The following TIAM1 variants were observed in gnomAD, a reference collection of about 807,000 sequenced individuals.
The protein encoded by TIAM1 is rho guanine nucleotide exchange factor TIAM1.
TIAM1 carries 65 observed loss-of-function variants against 163.5 expected under a neutral mutation model. The observed-to-expected ratio is 0.40, with a 90% confidence interval of 0.33 to 0.49. The LOEUF (loss-of-function observed/expected upper bound fraction) is 0.49. Among genes scored for constraint, TIAM1 ranks in the 20% least tolerant of loss-of-function variants. The pLI, the probability that TIAM1 is intolerant of heterozygous loss-of-function variation, is 0.77. For synonymous variants in TIAM1, 833 were observed against 810.1 expected, an observed-to-expected ratio of 1.03 and a Z score of -0.48; for missense variants, 1,789 against 2,044.7, an observed-to-expected ratio of 0.87 and a Z score of 2.41.
At chr21:31,285,960 A>G (rs576223748) in intron 2 of TIAM1, among the ~76,000 whole-genome samples, 1 of 152,208 alleles carries the variant, frequency 6.6e-6, no homozygotes, top group Non-Finnish European at 1.5e-5. Flanking sequence ...TTGTAAGTGG[A>G]GAGGAAGAAA....
chr21:31,265,921 A>G lies in TIAM1; in HGVS notation c.963+89T>C. The G allele has an allele frequency of 2.0e-6, 3 of 1,518,042 alleles. No homozygotes were observed. The South Asian group carries it at 4.0e-5, about 20-fold the overall frequency. The allele number at this position is 1,518,042 out of a possible 1,614,324, so 94.0% of individuals were successfully genotyped here. On this transcript the variant is annotated intron_variant, in intron 4 of 27. Transcript: ENST00000541036. ...AGGCAAACAGGGTAAAACCCGATTAAAAGATGGAAATCTTCTAAGAGCAAA... is the reference window on the plus strand; with the variant it reads ...AGGCAAACAGGGTAAAACCCGATTAGAAGATGGAAATCTTCTAAGAGCAAA...
At chr21:31,127,175 G>C (rs1477359043) in intron 25 of TIAM1, 23 bp from the exon 26 acceptor site, 2 of 1,605,318 alleles carry the variant, frequency 1.2e-6, no homozygotes, top group African/African-American at 2.7e-5. Context: ...AAACAACAAT[G>C]AATCAGGGTA....
At chr21:31,546,190 A>T (rs1052232816) in intron 1 of TIAM1, among the ~76,000 whole-genome samples, 6 of 60,078 alleles carry the variant, frequency 1.0e-4, no homozygotes, top group African/African-American at 4.7e-4. Flanking sequence ...TGTAATTTAA[A>T]AAAAAAAAAA....
At chr21:31,437,502 C>CAAAAAAAAAAAAAAAAAAAAAAAAAAAAA (rs778245444) in intron 2 of TIAM1, among the ~76,000 whole-genome samples, 1 of 106,516 alleles carries the variant, frequency 9.4e-6, no homozygotes. Flanking sequence ...GACCCTGTCT[C>CAAAAAAAAAAAAAAAAAAAAAAAAAAAAA]AAAAAAAAAA....
intron 11 of TIAM1, among the ~76,000 whole-genome samples, chr21:31,208,346 C>T (rs1347478465): frequency 2.6e-5 from 4 of 152,142 alleles, no homozygotes; most frequent in Admixed American, 6.5e-5. Context: ...TTCCAGAGTT[C>T]GGCTTATACA....
rs549842934 is a variant in TIAM1 at position 31,510,356 on chromosome 21, G to A, written c.-421-46321C>T. On this transcript the variant is annotated intron_variant, in intron 1 of 28. Coordinates refer to the TIAM1 transcript ENST00000286827. ...AATTTCCTCTACTCATAAGGACAAC[G>A]GTCAGATGGATTAGAGCCCACCCTA... 1.3e-4 allele frequency among the ~76,000 whole-genome samples: 20 copies of A among 152,222 alleles called. No individual in the cohort carries two copies. In the South Asian group the frequency reaches 2.9e-3, roughly 22 times the overall value.
intron 6 of TIAM1, among the ~76,000 whole-genome samples, chr21:31,244,685 A>T (rs944098187): frequency 1.3e-5 from 2 of 152,238 alleles, no homozygotes; most frequent in Non-Finnish European, 2.9e-5. Context: ...AGATCGTGCC[A>T]CTGCACTTCC....
At chr21:31,260,291 G>A (rs990636696) in intron 4 of TIAM1, among the ~76,000 whole-genome samples, 4 of 148,670 alleles carry the variant, frequency 2.7e-5, no homozygotes, top group Non-Finnish European at 5.9e-5. Flanking sequence ...AGGCTGGAAT[G>A]CAGTGGTGCA....
At chr21:31,248,480 T>C (rs965456468) in intron 5 of TIAM1, among the ~76,000 whole-genome samples, 2 of 152,220 alleles carry the variant, frequency 1.3e-5, no homozygotes, top group African/African-American at 4.8e-5. Flanking sequence ...CTGTTTACCT[T>C]CATCTTCCCT....
chr21:31,340,742 C>T (rs76835197), intron 1 of TIAM1, among the ~76,000 whole-genome samples: 4,255 of 151,888 alleles, frequency 0.028, 227 homozygotes, highest in African/African-American at 0.098. Context: ...ACATCTCAGT[C>T]GCTGCCAAGT....
chr21:31,368,388 G>A (rs1241289414), intron 2 of TIAM1, among the ~76,000 whole-genome samples: 1 of 151,992 alleles, frequency 6.6e-6, no homozygotes, highest in Non-Finnish European at 1.5e-5. Flanking sequence ...GTTACTGTTT[G>A]TAGCTCAACA....
intron 2 of TIAM1, among the ~76,000 whole-genome samples, chr21:31,390,123 C>T (rs2076944089): frequency 2.0e-5 from 3 of 152,142 alleles, no homozygotes; most frequent in African/African-American, 7.2e-5. Context: ...AGAATTTATA[C>T]TTACTCATTC....
chr21:31,457,605 G>A (rs557931076), intron 2 of TIAM1, among the ~76,000 whole-genome samples: 21 of 152,232 alleles, frequency 1.4e-4, no homozygotes, highest in Non-Finnish European at 2.8e-4. Context: ...AGAAAACTAC[G>A]GTCATTGTCA....
chr21:31,303,914 G>T (rs2074597076), intron 2 of TIAM1, among the ~76,000 whole-genome samples: 1 of 152,108 alleles, frequency 6.6e-6, no homozygotes, highest in African/African-American at 2.4e-5. Flanking sequence ...GGAGGCGGAG[G>T]TTGCAGTGAG....
In TIAM1 at chr21:31,127,836, C is replaced by T. The variant is rs568488676; in HGVS notation, c.4046-684G>A. Among the ~76,000 whole-genome samples, 11 of 152,234 alleles carry T rather than the reference C, an allele frequency of 7.2e-5. No individual in the cohort carries two copies. In the South Asian group the frequency reaches 8.3e-4, roughly 12 times the overall value. On this transcript the variant is annotated intron_variant, in intron 25 of 27. Transcript: ENST00000541036. ...CAAAGCCTCCTATGCAGATTTCATCCGGCCAGGGATACGACAGGTAAGCCT... is the reference window on the plus strand; with the variant it reads ...CAAAGCCTCCTATGCAGATTTCATCTGGCCAGGGATACGACAGGTAAGCCT...
Position 31,462,327 on chromosome 21 carries a change from C to G in TIAM1, c.-369+1656G>C, listed in dbSNP as rs192169770. Among the ~76,000 whole-genome samples the G allele has an allele frequency of 9.8e-4, 149 of 152,288 alleles. 2 individuals carry two copies. The highest frequency in any genetic ancestry group is 2.5e-4 in the Non-Finnish European group (17 of 68,032). ...TGATTTGCTGACCCCTGTTCTAGTT[C>G]TCAGGGTGCTAGAAAGGAGGAGTGA... On this transcript the variant is annotated intron_variant, in intron 2 of 28. Coordinates refer to the TIAM1 transcript ENST00000286827.
intron 15 of TIAM1, among the ~76,000 whole-genome samples, chr21:31,172,099 T>A (rs2084538623): frequency 6.6e-6 from 1 of 151,774 alleles, no homozygotes. Context: ...AACCAATAAG[T>A]GGTGAGGGGG....
rs953058268 is a variant in TIAM1, at chr21:31,141,193, C to T, written c.3699G>A (p.Glu1233=). ...CAAACTCTTCATGGATTTTCTGCAT[C>T]TCATTGATGTGACTGGCAACCTTGT... The part of the protein sequence containing the change: ...TMNKVASHIN[E]MQKIHEEFGA... The change falls in exon 22 of 28, where the codon GAG becomes GAA. Residue 1233 remains glutamate, a synonymous_variant. Coordinates refer to ENST00000541036, the MANE Select transcript of TIAM1 (RefSeq NM_001353694.2). The surrounding 1 kb of genome is among the most constrained non-coding windows in gnomAD (Gnocchi z 4.7). 3 of 1,614,178 alleles carry T rather than the reference C, an allele frequency of 1.9e-6. No individual in the cohort carries two copies. Among genetic ancestry groups the T allele is most frequent in the Non-Finnish European group, 2.5e-6 (3 of 1,180,022 alleles).
At chr21:31,229,587 A>G (rs1008482585) in intron 6 of TIAM1, among the ~76,000 whole-genome samples, 1 of 151,682 alleles carries the variant, frequency 6.6e-6, no homozygotes, top group African/African-American at 2.4e-5. Flanking sequence ...CATGCTTTCC[A>G]TTTTGTTTGT....
Sources: gnomAD v4.1 joint callset for allele counts (sites outside exome capture counted in the v4.1 genomes callset) on GRCh38, gnomAD v4.1.1 for gene constraint, Gnocchi (gnomAD v3.1) non-coding constraint, MANE v1.5 for transcripts, NCBI Gene and HGNC (gene_info 2026-07-23, HGNC 2026-07-21) for gene names.